The following ADGRE2 variants were observed in gnomAD, a reference collection of about 807,000 sequenced individuals.
ADGRE2 encodes the protein adhesion G protein-coupled receptor E2, also known as CD97 antigen.
Under a neutral mutation model 100.8 loss-of-function variants are expected in ADGRE2, and 83 were observed. That is an observed-to-expected ratio of 0.82 (90% CI 0.69 to 0.99). ADGRE2 has a LOEUF of 0.99. ADGRE2 is among the 50% of genes least tolerant of loss of function. The probability of loss-of-function intolerance (pLI) is 0.00; values close to 1 mark genes in which losing one functional copy is unlikely to be tolerated. For missense variants in ADGRE2, 814 were observed against 1,035.7 expected, an observed-to-expected ratio of 0.79 and a Z score of 2.94; for synonymous variants, 355 against 413.0, an observed-to-expected ratio of 0.86 and a Z score of 1.70.
At chr19:14,748,383 A>G (rs971130655) in intron 16 of ADGRE2, among the ~76,000 whole-genome samples, 1 of 152,134 alleles carries the variant, frequency 6.6e-6, no homozygotes, top group African/African-American at 2.4e-5. Context: ...ATCTTGGCTC[A>G]CTGCAAACTC....
At chr19:14,765,871 C>A (rs1442949614) in intron 7 of ADGRE2, 67 bp from the exon 8 acceptor site, 6 of 1,611,034 alleles carry the variant, frequency 3.7e-6, no homozygotes, top group Non-Finnish European at 5.1e-6. Flanking sequence ...CCTGTCTGTG[C>A]CCCCAGCTCG....
Position 14,736,154 on chromosome 19 carries a change from C to A in ADGRE2, c.*82G>T. 3 of 1,325,822 alleles carry A rather than the reference C, an allele frequency of 2.3e-6. No homozygotes were observed. The highest frequency in any genetic ancestry group is 2.4e-5 in the East Asian group (1 of 42,336). 82.1% of individuals were successfully genotyped at this position (1,325,822 alleles called of 1,614,324 possible). A position where few individuals can be genotyped will look rare whatever the true frequency, so the allele number is the denominator to read the frequency against. Reference sequence around the variant, plus strand: ...TTTCTTGAAACACACAGAACAAAGTCTTTTCTTTCCCCTCTAGATGGCTCA... The same window carrying A: ...TTTCTTGAAACACACAGAACAAAGTATTTTCTTTCCCCTCTAGATGGCTCA... On this transcript the variant is annotated 3_prime_UTR_variant, in exon 21 of 21. Coordinates refer to ENST00000315576, the MANE Select transcript of ADGRE2 (RefSeq NM_013447.4).
Position 14,732,496 on chromosome 19 carries a change from TGATGAATG to T in ADGRE2, c.*3732_*3739del, listed in dbSNP as rs1470051753. The T allele has an allele frequency of 6.6e-6, 1 of 152,154 alleles. No individual in the cohort carries two copies. Among genetic ancestry groups the T allele is most frequent in the Non-Finnish European group, 1.5e-5 (1 of 68,032 alleles). 9.4% of individuals were successfully genotyped at this position (152,154 alleles called of 1,614,324 possible). ...TGTCTGTATGTGCTCATCACATATG[TGATGAATG>T]GATGAATAAATTAGTGTAGAGTGAA... On this transcript the variant is annotated 3_prime_UTR_variant, in exon 21 of 21. Coordinates refer to ENST00000315576, the MANE Select transcript of ADGRE2 (RefSeq NM_013447.4).
At chr19:14,737,695 C>T (rs1599776506) in intron 20 of ADGRE2, among the ~76,000 whole-genome samples, 1 of 152,122 alleles carries the variant, frequency 6.6e-6, no homozygotes, top group East Asian at 1.9e-4. Flanking sequence ...GGTGTGGTGA[C>T]TCACACCTGT....
chr19:14,774,689 T>TCTTTCTTTC (rs1445675498), intron 2 of ADGRE2, among the ~76,000 whole-genome samples: 55 of 135,128 alleles, frequency 4.1e-4, no homozygotes, highest in African/African-American at 5.0e-4. Flanking sequence ...TTTCTTTCTT[T>TCTTTCTTTC]TTGAGACAGG....
chr19:14,738,032 T>A (rs1272444535), intron 20 of ADGRE2, among the ~76,000 whole-genome samples: 1 of 151,798 alleles, frequency 6.6e-6, no homozygotes. Context: ...AACATTAATC[T>A]ACCATACATT....
chr19:14,758,656 G>A lies in ADGRE2; in HGVS notation c.1085-2311C>T, dbSNP rs377353718. ...TCCCAGCACTTTGGGAGGCTGAGGC[G>A]GGAGGATCACGAGGTCAGGAGATCG... On this transcript the variant is annotated intron_variant, in intron 11 of 20. Coordinates refer to ENST00000315576, the MANE Select transcript of ADGRE2 (RefSeq NM_013447.4). Among the ~76,000 whole-genome samples, 9 of 152,200 alleles carry A rather than the reference G, an allele frequency of 5.9e-5. No homozygotes were observed. The South Asian group carries it at 6.2e-4, about 11-fold the overall frequency.
chr19:14,751,554 A>G lies in ADGRE2; in HGVS notation c.1906T>C (p.Tyr636His). The G allele has an allele frequency of 6.2e-7, 1 of 1,614,080 alleles. No individual in the cohort carries two copies. ...LTARNLTVVN[Y>H]SSINRFMKKL... ...TTCATGAATCTGTTGATGCTTGAGT[A>G]GTTGACCACCGTCAGGTTCCGTGCA... Residue 636 changes from tyrosine to histidine, a missense_variant, in exon 16 of 21, where the codon TAC (tyrosine) becomes CAC (histidine). Coordinates refer to ENST00000315576, the MANE Select transcript of ADGRE2 (RefSeq NM_013447.4).
At chr19:14,731,125 A>G, downstream of ADGRE2, 1 of 1,507,178 alleles carries the variant, frequency 6.6e-7, no homozygotes, top group Non-Finnish European at 8.9e-7. Flanking sequence ...TTATTCATTC[A>G]ATTTCTCTTC....
At position 14,755,678 on chromosome 19, in the gene ADGRE2, T is replaced by A. The variant is rs2043475442; in HGVS notation, c.1392A>T (p.Pro464=). 6.2e-7 allele frequency: 1 copy of A among 1,614,068 alleles called. No individual in the cohort carries two copies. The highest frequency in any genetic ancestry group is 1.3e-5 in the African/African-American group (1 of 74,986). Residue 464 remains proline (P), a synonymous_variant, in exon 13 of 21, where the codon CCA becomes CCT. Coordinates refer to ENST00000315576, the MANE Select transcript of ADGRE2 (RefSeq NM_013447.4). The part of the protein sequence containing the change: ...SNNDTQNLSS[P]VTFTFSHRSV... ...CACGGTGGGAGAAGGTGAAGGTAAC[T>A]GGGGAGCTGAGGTTTTGGGTGTCGT...
chr19:14,739,961 C>T (rs978218097), intron 20 of ADGRE2, among the ~76,000 whole-genome samples: 1 of 151,900 alleles, frequency 6.6e-6, no homozygotes, highest in Non-Finnish European at 1.5e-5. Context: ...ATTAGCCAGG[C>T]GTGGTGGCGG....
At chr19:14,746,084 T>C in intron 18 of ADGRE2, 148 bp downstream of exon 18, 2 of 635,890 alleles carry the variant, frequency 3.1e-6, no homozygotes, top group East Asian at 2.7e-5. Context: ...GAATCTGTGA[T>C]GGCTGCCATA....
intron 11 of ADGRE2, among the ~76,000 whole-genome samples, chr19:14,761,186 G>A (rs965063544): frequency 1.3e-5 from 2 of 152,156 alleles, no homozygotes; most frequent in Admixed American, 1.3e-4. Flanking sequence ...GGCGGATCAC[G>A]AGGTCAGGAC....
chr19:14,776,453 A>C, intron 2 of ADGRE2: 1 of 473,452 alleles, frequency 2.1e-6, no homozygotes, highest in Non-Finnish European at 3.9e-6. Flanking sequence ...CTTATGGAGC[A>C]GATGCCAAAC....
intron 5 of ADGRE2, among the ~76,000 whole-genome samples, chr19:14,767,796 T>C (rs1283733324): frequency 6.6e-6 from 1 of 152,168 alleles, no homozygotes; most frequent in Admixed American, 6.5e-5. Flanking sequence ...GTGGCAGTCC[T>C]GGGCCAAAGG....
intron 17 of ADGRE2, 52 bp from the exon 18 acceptor site, chr19:14,746,375 C>CTTTTTTTTT (rs34368264): frequency 1.5e-6 from 1 of 681,474 alleles, no homozygotes. Context: ...CCTGTTATCT[C>CTTTTTTTTT]TTTTTTTTTT....
At chr19:14,740,543 C>T (rs2042897166) in intron 20 of ADGRE2, among the ~76,000 whole-genome samples, 1 of 150,124 alleles carries the variant, frequency 6.7e-6, no homozygotes, top group South Asian at 2.1e-4. Flanking sequence ...ATCGCTTTAA[C>T]CCAGGAGGCG....
chr19:14,770,865 A>G (rs1331066246), intron 5 of ADGRE2, among the ~76,000 whole-genome samples: 1 of 150,176 alleles, frequency 6.7e-6, no homozygotes, highest in Non-Finnish European at 1.5e-5. Context: ...TTTTTAGTAG[A>G]GATGGGGTTT....
At chr19:14,774,788 C>A (rs2044372897) in intron 2 of ADGRE2, among the ~76,000 whole-genome samples, 1 of 149,408 alleles carries the variant, frequency 6.7e-6, no homozygotes, top group Non-Finnish European at 1.5e-5. Flanking sequence ...ATTCTCCTGC[C>A]TCAACCTCCC....
Sources: allele counts gnomAD v4.1 joint callset (sites outside exome capture counted in the v4.1 genomes callset), GRCh38; gene constraint gnomAD v4.1.1; transcripts MANE v1.5; gene names NCBI Gene and HGNC (gene_info 2026-07-23, HGNC 2026-07-21).